The following TTLL11 variants were observed in gnomAD, a reference collection of about 807,000 sequenced individuals.
TTLL11 encodes the protein tubulin polyglutamylase TTLL11.
In TTLL11, 42 loss-of-function variants were observed where a neutral mutation model predicts 51.7. The ratio of observed to expected loss-of-function variants is 0.81; its 90% CI spans 0.64 to 1.05. The LOEUF (loss-of-function observed/expected upper bound fraction) is 1.05, where lower values mean the gene tolerates loss of function less well. Ranked by LOEUF, TTLL11 falls within the 50% of genes least tolerant of loss-of-function variation. The pLI, the probability that TTLL11 is intolerant of heterozygous loss-of-function variation, is 0.00. For missense variants in TTLL11, 799 were observed against 940.4 expected, an observed-to-expected ratio of 0.85 and a Z score of 1.97; for synonymous variants, 381 against 383.5, an observed-to-expected ratio of 0.99 and a Z score of 0.08.
chr9:121,980,914 G>A (rs1842812069), intron 4 of TTLL11, among the ~76,000 whole-genome samples: 1 of 152,172 alleles, frequency 6.6e-6, no homozygotes, highest in African/African-American at 2.4e-5. Flanking sequence ...GAACATTGTG[G>A]TTATTCTTTG....
intron 6 of TTLL11, among the ~76,000 whole-genome samples, chr9:121,962,149 T>C (rs760381460): frequency 1.3e-5 from 2 of 152,220 alleles, no homozygotes; most frequent in Non-Finnish European, 2.9e-5. Flanking sequence ...ACTATTTTTA[T>C]TAAGTAAAAA....
intron 6 of TTLL11, among the ~76,000 whole-genome samples, chr9:121,945,955 C>CTTATATT (rs374032779): frequency 1.4e-4 from 22 of 152,214 alleles, no homozygotes; most frequent in African/African-American, 5.3e-4. Flanking sequence ...TCCTTCCTTC[C>CTTATATT]ATCTTTCGAA....
At chr9:122,050,513 G>C (rs755941289) in intron 1 of TTLL11, among the ~76,000 whole-genome samples, 3 of 151,964 alleles carry the variant, frequency 2.0e-5, no homozygotes, top group Non-Finnish European at 4.4e-5. Context: ...GATGCTTCAG[G>C]GGAGAGAAAT....
intron 7 of TTLL11, among the ~76,000 whole-genome samples, chr9:121,864,950 G>A (rs1444088324): frequency 2.6e-5 from 4 of 152,070 alleles, no homozygotes; most frequent in African/African-American, 7.2e-5. Flanking sequence ...CAGAAAAGAA[G>A]CTTTTTTTTT....
intron 3 of TTLL11, among the ~76,000 whole-genome samples, chr9:122,020,180 C>A (rs1844124244): frequency 6.6e-6 from 1 of 152,240 alleles, no homozygotes; most frequent in African/African-American, 2.4e-5. Flanking sequence ...AAATGCCATA[C>A]TATTTCATGA....
intron 6 of TTLL11, among the ~76,000 whole-genome samples, chr9:121,952,354 G>A (rs1412796008): frequency 6.6e-6 from 1 of 150,984 alleles, no homozygotes; most frequent in Non-Finnish European, 1.5e-5. Context: ...GCTGAGGCAG[G>A]AGAATCGCTT....
chr9:122,005,849 T>C (rs1221806607), intron 3 of TTLL11, among the ~76,000 whole-genome samples: 1 of 152,148 alleles, frequency 6.6e-6, no homozygotes, highest in Non-Finnish European at 1.5e-5. Context: ...TCACAATGTA[T>C]GGAAGTTATT....
intron 3 of TTLL11, among the ~76,000 whole-genome samples, chr9:121,994,004 G>A (rs1843182738): frequency 6.6e-6 from 1 of 152,156 alleles, no homozygotes; most frequent in African/African-American, 2.4e-5. Flanking sequence ...CAGACAGGAG[G>A]CAGGGCCAGC....
intron 1 of TTLL11, among the ~76,000 whole-genome samples, chr9:122,057,213 C>T (rs1845310751): frequency 6.6e-6 from 1 of 152,100 alleles, no homozygotes; most frequent in Non-Finnish European, 1.5e-5. Context: ...ATTCCCACTA[C>T]CACTCCTAAA....
At chr9:121,931,141 C>G (rs536279447) in intron 6 of TTLL11, among the ~76,000 whole-genome samples, 1 of 152,260 alleles carries the variant, frequency 6.6e-6, no homozygotes, top group East Asian at 1.9e-4. Context: ...CCCTGCTCCA[C>G]CTGGCTCAGC....
chr9:121,992,678 T>G (rs1054834734), intron 3 of TTLL11, among the ~76,000 whole-genome samples: 32 of 152,250 alleles, frequency 2.1e-4, no homozygotes, highest in African/African-American at 7.2e-4. Flanking sequence ...AACCTGCTGT[T>G]GGACCTGAAA....
At chr9:121,961,910 G>A (rs12238309) in intron 6 of TTLL11, among the ~76,000 whole-genome samples, 1 of 152,214 alleles carries the variant, frequency 6.6e-6, no homozygotes, top group Admixed American at 6.5e-5. Context: ...ACAAAAATTA[G>A]CCAGGCGTGG....
intron 6 of TTLL11, among the ~76,000 whole-genome samples, chr9:121,931,300 C>T (rs1238254527): frequency 1.3e-5 from 2 of 152,210 alleles, no homozygotes; most frequent in African/African-American, 4.8e-5. Flanking sequence ...GGCATGCAGA[C>T]CTCTCTCAGT....
intron 6 of TTLL11, among the ~76,000 whole-genome samples, chr9:121,950,193 G>T (rs1564321615): frequency 1.3e-5 from 2 of 152,032 alleles, no homozygotes; most frequent in Non-Finnish European, 2.9e-5. Flanking sequence ...GACCCTCCTA[G>T]GCGCTCTGCA....
chr9:121,851,911 C>A (rs1393351672), intron 8 of TTLL11, among the ~76,000 whole-genome samples: 2 of 152,192 alleles, frequency 1.3e-5, no homozygotes, highest in Non-Finnish European at 2.9e-5. Flanking sequence ...TAGCCAAGAC[C>A]AAGGGCCAGA....
chr9:122,003,754 G>C (rs566647598), intron 3 of TTLL11, among the ~76,000 whole-genome samples: 2 of 150,432 alleles, frequency 1.3e-5, no homozygotes, highest in South Asian at 4.3e-4. Context: ...CAAAGCGCTG[G>C]GATTACAGGC....
At chr9:122,020,855 G>A (rs917456305) in intron 3 of TTLL11, among the ~76,000 whole-genome samples, 1 of 152,228 alleles carries the variant, frequency 6.6e-6, no homozygotes, top group Non-Finnish European at 1.5e-5. Context: ...ATGCTGGCAT[G>A]CTGATCTTGG....
At chr9:121,941,217 G>A (rs560814602) in intron 6 of TTLL11, among the ~76,000 whole-genome samples, 9 of 152,310 alleles carry the variant, frequency 5.9e-5, no homozygotes, top group South Asian at 2.1e-4. Context: ...GTCAATCCGC[G>A]TTCATCACCA....
At chr9:122,087,831 C>G (rs76276476) in intron 1 of TTLL11, among the ~76,000 whole-genome samples, 2,549 of 152,298 alleles carry the variant, frequency 0.017, 84 homozygotes, top group African/African-American at 0.059. Context: ...TGCGGTGAAC[C>G]AGAAACCATG....
Sources: gnomAD v4.1 joint callset for allele counts (sites outside exome capture counted in the v4.1 genomes callset) on GRCh38, gnomAD v4.1.1 for gene constraint, MANE v1.5 for transcripts, NCBI Gene and HGNC (gene_info 2026-07-23, HGNC 2026-07-21) for gene names.